Variants in CDON observed in about 807,000 individuals in gnomAD.
CDON encodes the protein cell adhesion molecule-related/down-regulated by oncogenes.
Under a neutral mutation model 120.9 loss-of-function variants are expected in CDON, and 73 were observed. The observed-to-expected ratio is 0.60, with a 90% CI of 0.50 to 0.73. The LOEUF is 0.73. Ranked by LOEUF, CDON falls within the 30% of genes least tolerant of loss-of-function variation. CDON has a pLI of 0.00. For synonymous variants in CDON, 566 were observed against 573.5 expected (o/e 0.99, Z 0.19); for missense variants, 1,470 against 1,587.3 (o/e 0.93, Z 1.26).
intron 15 of CDON, among the ~76,000 whole-genome samples, chr11:125,984,479 C>T (rs1946405590): frequency 1.3e-5 from 2 of 151,972 alleles, no homozygotes; most frequent in Non-Finnish European, 2.9e-5. Context: ...AGCAGACTGT[C>T]TGAGCTCAGG....
chr11:125,958,036 A>T lies in CDON; in HGVS notation c.*2906T>A, dbSNP rs1334137916. On this transcript the variant is annotated 3_prime_UTR_variant, in exon 20 of 20. Transcript: ENST00000531738. ...TGGAGGTGGTAGACAGGGGGCGTCA[A>T]GGGGAGAAATGTGGACCTCTGGAAG... 1 of 152,256 alleles carries T rather than the reference A, an allele frequency of 6.6e-6. No homozygotes were observed. The highest frequency in any genetic ancestry group is 1.5e-5 in the Non-Finnish European group (1 of 68,076). 9.4% of individuals were successfully genotyped at this position (152,256 alleles called of 1,614,324 possible).
At chr11:126,046,767 G>GCTGACAGTATGCACACTGGTCTAT (rs1948417795) in intron 1 of CDON, among the ~76,000 whole-genome samples, 1 of 152,088 alleles carries the variant, frequency 6.6e-6, no homozygotes, top group Admixed American at 6.5e-5. Context: ...TCTGGGTGGG[G>GCTGACAGTATGCACACTGGTCTAT]CTGACAGTAT....
At chr11:126,020,388 A>T (rs1468914454) in intron 3 of CDON, among the ~76,000 whole-genome samples, 1 of 152,190 alleles carries the variant, frequency 6.6e-6, no homozygotes, top group Non-Finnish European at 1.5e-5. Context: ...TGAATCTACT[A>T]ACTTGGTCTC....
At chr11:125,999,505 T>A (rs1946879644) in intron 11 of CDON, among the ~76,000 whole-genome samples, 1 of 152,210 alleles carries the variant, frequency 6.6e-6, no homozygotes, top group Non-Finnish European at 1.5e-5. Context: ...TGTTCCTCAT[T>A]AGGTTGTTTT....
chr11:125,980,980 G>T, intron 17 of CDON, 69 bp downstream of exon 17: 3 of 1,484,878 alleles, frequency 2.0e-6, no homozygotes, highest in Non-Finnish European at 2.8e-6. Flanking sequence ...AGCCAAGCAT[G>T]CTGTCCCTGT....
rs368772740 is a variant in CDON, at chr11:125,990,239, T to G, written c.2651-480A>C. Among the ~76,000 whole-genome samples the G allele has an allele frequency of 5.3e-5, 8 of 152,176 alleles. No homozygotes were observed. The South Asian group carries it at 1.7e-3, about 32-fold the overall frequency. On this transcript the variant is annotated intron_variant, in intron 14 of 19. Coordinates refer to ENST00000531738, the MANE Select transcript of CDON (RefSeq NM_001378964.1). Reference sequence around the variant, plus strand: ...CTTAGCAAAGCTCCCAATTCCACTGTCATGGATGCAACGTGAACTGACATA... The same window carrying G: ...CTTAGCAAAGCTCCCAATTCCACTGGCATGGATGCAACGTGAACTGACATA...
rs938975946 is a variant in CDON, at chr11:125,981,181, G to C, written c.3144C>G (p.His1048Gln). 1.9e-6 allele frequency: 3 copies of C among 1,614,056 alleles called. No homozygotes were observed. The highest frequency in any genetic ancestry group is 3.3e-5 in the Admixed American group (2 of 60,004). Reference protein sequence around the residue: ...TNGGLSSGYSHLHHKVPNAVN... With the variant: ...TNGGLSSGYSQLHHKVPNAVN... Reference sequence around the variant, plus strand: ...CTGCATTGGGGACCTTATGGTGAAGGTGGGAATAGCCACTGCTGAGACCGC... The same window carrying C: ...CTGCATTGGGGACCTTATGGTGAAGCTGGGAATAGCCACTGCTGAGACCGC... Residue 1048 changes from histidine (H) to glutamine (Q), a missense_variant, in exon 17 of 20, where the codon CAC becomes CAG. His to Gln is a conservative substitution (Grantham distance 24). Transcript: ENST00000531738.
intron 1 of CDON, among the ~76,000 whole-genome samples, chr11:126,045,062 G>A (rs371041286): frequency 9.3e-4 from 142 of 152,204 alleles, no homozygotes; most frequent in Non-Finnish European, 1.5e-3. Flanking sequence ...GTCTTGCTCC[G>A]TCGCCCAGGC....
rs1946717323 is a variant in CDON at position 125,994,362 on chromosome 11, G to C, written c.2572C>G (p.Pro858Ala). ...TYIPSSNNNT[P>A]IQGFYIYYRP... ...TAATAGATATAAAATCCTTGAATGG[G>C]AGTGTTATTGTTACTTGATGGAATG... Residue 858 changes from proline (P) to alanine (A), a missense_variant, in exon 14 of 20, where the codon CCC becomes GCC. Physicochemically the swap from Pro to Ala is conservative, Grantham distance 27. Transcript: ENST00000531738. The C allele has an allele frequency of 6.3e-7, 1 of 1,584,422 alleles. No individual in the cohort carries two copies. Among genetic ancestry groups the C allele is most frequent in the African/African-American group, 1.3e-5 (1 of 74,266 alleles).
chr11:126,057,964 A>C (rs1948717136), intron 1 of CDON, among the ~76,000 whole-genome samples: 1 of 152,210 alleles, frequency 6.6e-6, no homozygotes, highest in Admixed American at 6.5e-5. Flanking sequence ...CTGTTATTAT[A>C]CCCATTTTAC....
chr11:126,001,012 G>T (rs1946927887), intron 11 of CDON, among the ~76,000 whole-genome samples: 1 of 152,052 alleles, frequency 6.6e-6, no homozygotes, highest in Non-Finnish European at 1.5e-5. Flanking sequence ...AAAACCATAA[G>T]ATTAACTAGA....
At chr11:126,037,008 A>C (rs1437411091) in intron 1 of CDON, among the ~76,000 whole-genome samples, 1 of 152,154 alleles carries the variant, frequency 6.6e-6, no homozygotes, top group Non-Finnish European at 1.5e-5. Flanking sequence ...TATTCTTTAT[A>C]TAACATCATA....
At chr11:125,985,390 T>C (rs1946432084) in intron 15 of CDON, among the ~76,000 whole-genome samples, 1 of 152,196 alleles carries the variant, frequency 6.6e-6, no homozygotes, top group African/African-American at 2.4e-5. Flanking sequence ...TTGGCCAGGC[T>C]GGTCTCAAAC....
At chr11:125,998,729 C>T (rs1946857939) in intron 11 of CDON, among the ~76,000 whole-genome samples, 2 of 152,206 alleles carry the variant, frequency 1.3e-5, no homozygotes, top group Non-Finnish European at 2.9e-5. Context: ...ATGACAGTGA[C>T]ATTGCAAATT....
chr11:125,973,532 G>GAAAACAAAAACA (rs576467169), intron 18 of CDON, among the ~76,000 whole-genome samples: 1 of 152,028 alleles, frequency 6.6e-6, no homozygotes, highest in East Asian at 1.9e-4. Flanking sequence ...CTCCATCTCA[G>GAAAACAAAAACA]AAAACAAAAA....
intron 6 of CDON, 43 bp from the exon 7 acceptor site, chr11:126,015,553 T>C: frequency 1.3e-6 from 2 of 1,597,228 alleles, no homozygotes. Context: ...CCTCAAAATG[T>C]ACTTCTTAAA....
At chr11:125,971,482 G>T (rs185950612) in intron 18 of CDON, among the ~76,000 whole-genome samples, 1 of 152,172 alleles carries the variant, frequency 6.6e-6, no homozygotes, top group East Asian at 1.9e-4. Flanking sequence ...CATCCACGGA[G>T]GGTTTCAAGT....
At chr11:126,035,950 C>T (rs1948082977) in intron 1 of CDON, among the ~76,000 whole-genome samples, 1 of 152,164 alleles carries the variant, frequency 6.6e-6, no homozygotes, top group African/African-American at 2.4e-5. Context: ...CTCTGCTAGG[C>T]CACACATGCA....
At chr11:126,005,479 G>GTTATAGAGC in intron 9 of CDON, 1 of 459,020 alleles carries the variant, frequency 2.2e-6, no homozygotes, top group South Asian at 2.5e-5. Context: ...TTTAAAAGTG[G>GTTATAGAGC]TTATAGAGCT....
Sources: gnomAD v4.1 joint callset for allele counts (sites outside exome capture counted in the v4.1 genomes callset) on GRCh38, gnomAD v4.1.1 for gene constraint, MANE v1.5 for transcripts, NCBI Gene and HGNC (gene_info 2026-07-23, HGNC 2026-07-21) for gene names.